TMEM168: variants seen among roughly 807,000 people sequenced by gnomAD.
TMEM168 encodes the protein transmembrane protein 168.
In TMEM168, 40 loss-of-function variants were observed where a neutral mutation model predicts 53.2. The observed-to-expected ratio is 0.75, with a 90% confidence interval of 0.58 to 0.98. The LOEUF (loss-of-function observed/expected upper bound fraction) is 0.98, where lower values mean the gene tolerates loss of function less well. Among genes scored for constraint, TMEM168 ranks in the 50% least tolerant of loss-of-function variants. The pLI, the probability that TMEM168 is intolerant of heterozygous loss-of-function variation, is 0.00. For missense variants in TMEM168, 771 were observed against 828.8 expected (o/e 0.93, Z 0.86); for synonymous variants, 282 against 293.0 (o/e 0.96, Z 0.38).
intron 3 of TMEM168, among the ~76,000 whole-genome samples, chr7:112,773,789 G>A (rs529421130): frequency 5.9e-5 from 9 of 151,986 alleles, no homozygotes; most frequent in African/African-American, 1.7e-4. Flanking sequence ...TTTTGAAAAC[G>A]TTAGATTTTG....
At chr7:112,776,229 A>T (rs1360961972) in intron 2 of TMEM168, among the ~76,000 whole-genome samples, 1 of 151,910 alleles carries the variant, frequency 6.6e-6, no homozygotes, top group African/African-American at 2.4e-5. Flanking sequence ...GTGCAATCAA[A>T]ATTTAACAGA....
intron 2 of TMEM168, among the ~76,000 whole-genome samples, chr7:112,782,927 T>A (rs148141768): frequency 1.4e-4 from 22 of 152,330 alleles, no homozygotes; most frequent in Middle Eastern, 3.4e-3. Context: ...GCCAGCCTCT[T>A]CCTCCTCCCA....
intron 4 of TMEM168, among the ~76,000 whole-genome samples, chr7:112,770,389 A>C (rs961667440): frequency 5.9e-5 from 9 of 152,166 alleles, no homozygotes; most frequent in African/African-American, 2.2e-4. Flanking sequence ...TCTTATAATA[A>C]GCCTCAAAGT....
chr7:112,785,304 C>CAAGAGAAAGCTACTTAGTTCTTA (rs1793348442), intron 1 of TMEM168, among the ~76,000 whole-genome samples: 2 of 152,308 alleles, frequency 1.3e-5, no homozygotes, highest in Non-Finnish European at 1.5e-5. Context: ...GGTTTTGGTA[C>CAAGAGAAAGCTACTTAGTTCTTA]AAGAGAAAGC....
chr7:112,765,238 T>C lies in TMEM168; in HGVS notation c.*1959A>G, dbSNP rs1792745370. The C allele has an allele frequency of 6.6e-6, 1 of 152,222 alleles. No individual in the cohort carries two copies. The highest frequency in any genetic ancestry group is 2.1e-4 in the South Asian group (1 of 4,838). 9.4% of individuals were successfully genotyped at this position (152,222 alleles called of 1,614,324 possible). On this transcript the variant is annotated 3_prime_UTR_variant, in exon 5 of 5. Coordinates refer to ENST00000312814, the MANE Select transcript of TMEM168 (RefSeq NM_022484.6). ...ATTCTATAAATTTTTGGTTAACAAA[T>C]TGGCTCAAGTCACATTCTTGGCCCA...
chr7:112,775,465 A>G lies in TMEM168; in HGVS notation c.1129-147T>C, dbSNP rs911437868. 15 of 647,074 alleles carry G rather than the reference A, an allele frequency of 2.3e-5. No homozygotes were observed. The South Asian group carries it at 4.0e-4, about 17-fold the overall frequency. The allele number at this position is 647,074 out of a possible 1,614,324, so 40.1% of individuals were successfully genotyped here. ...TGATCTAAAAACAATTTTCAGTTAA[A>G]GCAGACACGTATACATGGATGAGCT... On this transcript the variant is annotated intron_variant, in intron 2 of 4. Transcript: ENST00000312814.
chr7:112,776,173 G>A (rs1022261303), intron 2 of TMEM168, among the ~76,000 whole-genome samples: 53 of 151,254 alleles, frequency 3.5e-4, no homozygotes, highest in African/African-American at 1.3e-3. Context: ...AACGAATTCC[G>A]TTTATATGAT....
chr7:112,768,255 T>C (rs754594305), intron 4 of TMEM168, among the ~76,000 whole-genome samples: 4 of 152,372 alleles, frequency 2.6e-5, no homozygotes, highest in Admixed American at 6.5e-5. Flanking sequence ...AATAAGTTTA[T>C]TGGAACACAA....
chr7:112,774,824 G>A (rs556545225), intron 3 of TMEM168, among the ~76,000 whole-genome samples: 73 of 151,800 alleles, frequency 4.8e-4, no homozygotes, highest in African/African-American at 1.5e-3. Context: ...CAGGTGATCC[G>A]CCCGCCTCGG....
At chr7:112,775,342 T>A (rs762991144) in intron 2 of TMEM168, 24 bp from the exon 3 acceptor site, 1 of 1,602,466 alleles carries the variant, frequency 6.2e-7, no homozygotes, top group South Asian at 1.1e-5. Flanking sequence ...AAAACATGTT[T>A]ACATAGTACA....
At position 112,767,786 on chromosome 7, in the gene TMEM168, G is replaced by A. The variant is rs774593149; in HGVS notation, c.1547-42C>T. ...ATTCAATGGAGCAATAATTTCTGCA[G>A]CCTCTCATTAAGAAAACCCTCTTAA... On this transcript the variant is annotated intron_variant, in intron 4 of 4. Transcript: ENST00000312814. 9.2e-6 allele frequency: 14 copies of A among 1,522,792 alleles called. No individual in the cohort carries two copies. In the East Asian group the frequency reaches 3.2e-4, roughly 34 times the overall value. 94.3% of individuals were successfully genotyped at this position (1,522,792 alleles called of 1,614,324 possible).
intron 1 of TMEM168, among the ~76,000 whole-genome samples, chr7:112,789,433 C>T (rs1028691023): frequency 1.3e-5 from 2 of 152,206 alleles, no homozygotes; most frequent in African/African-American, 2.4e-5. Context: ...GAAATAACTA[C>T]ATTTAACAAC....
chr7:112,776,484 C>G lies in TMEM168; in HGVS notation c.1129-1166G>C, dbSNP rs553260371. Among the ~76,000 whole-genome samples the G allele has an allele frequency of 2.6e-5, 4 of 152,118 alleles. No individual in the cohort carries two copies. The East Asian group carries it at 7.7e-4, about 29-fold the overall frequency. ...GGTGCATGAACACATACTTTTAACA[C>G]TAAGGGGTGGTTCACTTGATCAAAA... On this transcript the variant is annotated intron_variant, in intron 2 of 4. Coordinates refer to ENST00000312814, the MANE Select transcript of TMEM168 (RefSeq NM_022484.6).
Position 112,775,385 on chromosome 7 carries a change from CATTG to C in TMEM168, c.1129-71_1129-68del, listed in dbSNP as rs1353968499. On this transcript the variant is annotated intron_variant, in intron 2 of 4. Coordinates refer to ENST00000312814, the MANE Select transcript of TMEM168 (RefSeq NM_022484.6). ...ATGTGTATATATTTACATGCATGCA[CATTG>C]ATTCACATTTTTTAGCTTCTACTTT... The C allele has an allele frequency of 2.3e-6, 3 of 1,297,374 alleles. No homozygotes were observed. In the African/African-American group the frequency reaches 4.5e-5, roughly 20 times the overall value. The allele number at this position is 1,297,374 out of a possible 1,614,324, so 80.4% of individuals were successfully genotyped here. A position where few individuals can be genotyped will look rare whatever the true frequency, so the allele number is the denominator to read the frequency against.
intron 2 of TMEM168, among the ~76,000 whole-genome samples, chr7:112,781,927 T>A (rs568600257): frequency 5.8e-4 from 88 of 152,262 alleles, no homozygotes; most frequent in African/African-American, 2.1e-3. Context: ...TCTTCAAAAA[T>A]TTGTATCATT....
rs778303145 is a variant in TMEM168, at chr7:112,784,418, C to T, written c.408G>A (p.Leu136=). 1 of 1,614,104 alleles carries T rather than the reference C, an allele frequency of 6.2e-7. No homozygotes were observed. ...LLLTSIVLRI[L]CSLVERISGY... Reference sequence around the variant, plus strand: ...CAGAAATTCTCTCCACCAGAGAGCACAATATCCTTAACACTATGGATGTTA... The same window carrying T: ...CAGAAATTCTCTCCACCAGAGAGCATAATATCCTTAACACTATGGATGTTA... Residue 136 remains leucine (L), a synonymous_variant, in exon 2 of 5, where the codon TTG becomes TTA. Coordinates refer to ENST00000312814, the MANE Select transcript of TMEM168 (RefSeq NM_022484.6).
chr7:112,785,026 T>C (rs1171228869), intron 1 of TMEM168, 73 bp from the exon 2 acceptor site: 4 of 409,196 alleles, frequency 9.8e-6, no homozygotes, highest in African/African-American at 2.1e-5. Context: ...AAGATGCATA[T>C]AGAAAGTGAA....
At chr7:112,787,894 G>A (rs938415291) in intron 1 of TMEM168, among the ~76,000 whole-genome samples, 21 of 151,082 alleles carry the variant, frequency 1.4e-4, no homozygotes, top group Non-Finnish European at 2.5e-4. Context: ...CACCATGCCC[G>A]GCTAATTTTG....
In TMEM168 at chr7:112,784,165, T is replaced by G. The variant is rs758120609; in HGVS notation, c.661A>C (p.Lys221Gln). The G allele has an allele frequency of 5.0e-6, 8 of 1,613,896 alleles. No individual in the cohort carries two copies. The South Asian group carries it at 8.8e-5, about 18-fold the overall frequency. Residue 221 changes from lysine to glutamine, a missense_variant, in exon 2 of 5, where the codon AAA (lysine) becomes CAA (glutamine). By Grantham distance (53) the Lys-to-Gln change is moderately conservative. Coordinates refer to ENST00000312814, the MANE Select transcript of TMEM168 (RefSeq NM_022484.6). ...AAACACGCAAAAGCAATCGGATTTTTGGGAGTTTCCAATGAGGAAAAAAAT... is the reference window on the plus strand; with the variant it reads ...AAACACGCAAAAGCAATCGGATTTTGGGGAGTTTCCAATGAGGAAAAAAAT... ...LLFFSSLETP[K>Q]NPIAFACFFI...
Sources: gnomAD v4.1 joint callset for allele counts (sites outside exome capture counted in the v4.1 genomes callset) on GRCh38, gnomAD v4.1.1 for gene constraint, MANE v1.5 for transcripts, NCBI Gene and HGNC (gene_info 2026-07-23, HGNC 2026-07-21) for gene names.